The following ARHGAP42 variants were observed in gnomAD, a reference collection of about 807,000 sequenced individuals.
The protein encoded by ARHGAP42 is Rho GTPase activating protein 42.
A neutral mutation model predicts 125.0 loss-of-function variants in ARHGAP42; 63 were observed. The ratio of observed to expected loss-of-function variants is 0.50; its 90% CI spans 0.41 to 0.62. The LOEUF is 0.62. Among genes scored for constraint, ARHGAP42 ranks in the 20% least tolerant of loss-of-function variants. The pLI is 0.00. For synonymous variants in ARHGAP42, 339 were observed against 351.0 expected (o/e 0.97, Z 0.38); for missense variants, 766 against 1,024.2 (o/e 0.75, Z 3.44).
intron 2 of ARHGAP42, among the ~76,000 whole-genome samples, chr11:100,781,308 GA>G (rs1863305993): frequency 6.6e-6 from 1 of 151,792 alleles, no homozygotes; most frequent in African/African-American, 2.4e-5. Flanking sequence ...TGAATGATCG[GA>G]AAATGCTACT....
chr11:100,913,477 A>C lies in ARHGAP42; in HGVS notation c.410A>C (p.Glu137Ala), dbSNP rs1300273473. 7.7e-7 allele frequency: 1 copy of C among 1,291,918 alleles called. No homozygotes were observed. Among genetic ancestry groups the C allele is most frequent in the Non-Finnish European group, 1.0e-6 (1 of 984,794 alleles). The allele number at this position is 1,291,918 out of a possible 1,614,324, so 80.0% of individuals were successfully genotyped here. The change falls in exon 5 of 24, where the codon GAG (glutamate) becomes GCG (alanine). Residue 137 changes from glutamate to alanine, a missense_variant. Glu to Ala is a moderately radical substitution (Grantham distance 107). Transcript: ENST00000298815. Reference sequence around the variant, plus strand: ...GATGGAAAGAAGAAGTTTGACAAAGAGAGTGAAAAATATTACTCTATCCTT... The same window carrying C: ...GATGGAAAGAAGAAGTTTGACAAAGCGAGTGAAAAATATTACTCTATCCTT... ...AKDGKKKFDKESEKYYSILEK... is the reference protein window; with the variant it reads ...AKDGKKKFDKASEKYYSILEK...
intron 8 of ARHGAP42, among the ~76,000 whole-genome samples, chr11:100,940,051 A>G (rs1227918681): frequency 6.6e-6 from 1 of 152,164 alleles, no homozygotes; most frequent in African/African-American, 2.4e-5. Context: ...AATTATCAAC[A>G]AGTATTATTA....
chr11:100,735,440 TTTACA>T (rs1235120158), intron 1 of ARHGAP42, among the ~76,000 whole-genome samples: 1 of 152,058 alleles, frequency 6.6e-6, no homozygotes, highest in Non-Finnish European at 1.5e-5. Flanking sequence ...GATTTCTAGT[TTTACA>T]GGGGCTTTAA....
chr11:100,806,874 G>A (rs55760506), intron 3 of ARHGAP42, among the ~76,000 whole-genome samples: 84,660 of 149,894 alleles, frequency 0.56, 24,737 homozygotes, highest in South Asian at 0.72. Context: ...TTTGGGACAA[G>A]TCTCACTTTG....
intron 12 of ARHGAP42, among the ~76,000 whole-genome samples, chr11:100,955,404 G>C (rs904874235): frequency 6.6e-6 from 1 of 152,020 alleles, no homozygotes; most frequent in Non-Finnish European, 1.5e-5. Context: ...GTATCCCTCT[G>C]CTTCTCTCTA....
rs1026880630 is a variant in ARHGAP42 at position 100,991,497 on chromosome 11, A to T, written c.*2696A>T. 1 of 152,174 alleles carries T rather than the reference A, an allele frequency of 6.6e-6. No individual in the cohort carries two copies. Among genetic ancestry groups the T allele is most frequent in the African/African-American group, 2.4e-5 (1 of 41,442 alleles). 9.4% of individuals were successfully genotyped at this position (152,174 alleles called of 1,614,324 possible). ...CCTAATAACTGCTTACGGTATAATC[A>T]GTATGATGATGAGATTGAGGGGGTC... On this transcript the variant is annotated 3_prime_UTR_variant, in exon 24 of 24. Transcript: ENST00000298815.
intron 4 of ARHGAP42, among the ~76,000 whole-genome samples, chr11:100,905,938 T>G (rs688664): frequency 6.6e-6 from 1 of 152,202 alleles, no homozygotes; most frequent in African/African-American, 2.4e-5. Flanking sequence ...GATGTTGCCA[T>G]GGCACTCTGG....
At chr11:100,738,786 C>T (rs1172828860) in intron 1 of ARHGAP42, among the ~76,000 whole-genome samples, 5 of 152,144 alleles carry the variant, frequency 3.3e-5, no homozygotes, top group African/African-American at 7.2e-5. Flanking sequence ...TTTATTATTA[C>T]GTTTCAAGTT....
chr11:100,859,381 G>A (rs1865391911), intron 3 of ARHGAP42, 173 bp from the exon 4 acceptor site: 2 of 459,338 alleles, frequency 4.4e-6, no homozygotes, highest in South Asian at 5.0e-5. Context: ...AATAATATGC[G>A]AAAACAGCTT....
At chr11:100,877,531 T>C (rs1267362353) in intron 4 of ARHGAP42, among the ~76,000 whole-genome samples, 1 of 152,274 alleles carries the variant, frequency 6.6e-6, no homozygotes, top group Non-Finnish European at 1.5e-5. Context: ...TGGTTTCTCA[T>C]GTCTTCTGTA....
chr11:100,885,598 G>A (rs1452905995), intron 4 of ARHGAP42, among the ~76,000 whole-genome samples: 4 of 152,136 alleles, frequency 2.6e-5, no homozygotes, highest in Admixed American at 6.6e-5. Context: ...AATTCATAAA[G>A]AGATTTTGCA....
At chr11:100,724,868 C>G (rs1426797182) in intron 1 of ARHGAP42, among the ~76,000 whole-genome samples, 1 of 151,164 alleles carries the variant, frequency 6.6e-6, no homozygotes, top group Non-Finnish European at 1.5e-5. Flanking sequence ...CTTGCTTTAG[C>G]ATTATATTGC....
chr11:100,723,773 T>A (rs1353168999), intron 1 of ARHGAP42, among the ~76,000 whole-genome samples: 1 of 152,134 alleles, frequency 6.6e-6, no homozygotes, highest in Non-Finnish European at 1.5e-5. Context: ...TTATATTAGC[T>A]AGGATTTTTA....
chr11:100,911,801 AC>A (rs1866926491), intron 4 of ARHGAP42, among the ~76,000 whole-genome samples: 1 of 151,866 alleles, frequency 6.6e-6, no homozygotes, highest in South Asian at 2.1e-4. Context: ...TTCTTAACAC[AC>A]CTTTTGTGGT....
intron 3 of ARHGAP42, among the ~76,000 whole-genome samples, chr11:100,822,450 A>G (rs1439467941): frequency 6.6e-6 from 1 of 152,170 alleles, no homozygotes. Flanking sequence ...AAAATGGATT[A>G]CTGTTTGTTT....
intron 1 of ARHGAP42, among the ~76,000 whole-genome samples, chr11:100,699,044 G>A (rs908296525): frequency 3.3e-5 from 5 of 151,760 alleles, no homozygotes; most frequent in African/African-American, 1.2e-4. Flanking sequence ...CTTAAATGTT[G>A]GTGGTACCTT....
At chr11:100,934,380 G>GA (rs1029404121) in intron 7 of ARHGAP42, among the ~76,000 whole-genome samples, 6 of 147,876 alleles carry the variant, frequency 4.1e-5, no homozygotes, top group East Asian at 2.0e-4. Flanking sequence ...CGTCTAACCT[G>GA]AAAAAAAAAT....
intron 1 of ARHGAP42, among the ~76,000 whole-genome samples, chr11:100,746,315 C>CA (rs1297393314): frequency 2.6e-5 from 4 of 152,112 alleles, no homozygotes; most frequent in Middle Eastern, 3.2e-3. Flanking sequence ...GTCTGACCTG[C>CA]AGGGTGTGGA....
At chr11:100,702,298 G>A (rs544794748) in intron 1 of ARHGAP42, among the ~76,000 whole-genome samples, 1 of 152,208 alleles carries the variant, frequency 6.6e-6, no homozygotes, top group Non-Finnish European at 1.5e-5. Flanking sequence ...GGAATGCCTG[G>A]TTGGTGGAGC....
Sources: allele counts gnomAD v4.1 joint callset (sites outside exome capture counted in the v4.1 genomes callset), GRCh38; gene constraint gnomAD v4.1.1; transcripts MANE v1.5; gene names NCBI Gene and HGNC (gene_info 2026-07-23, HGNC 2026-07-21).